Variants in MICAL2 observed in about 807,000 individuals in gnomAD.
The protein encoded by MICAL2 is [F-actin]-monooxygenase MICAL2.
Under a neutral mutation model 127.3 loss-of-function variants are expected in MICAL2, and 77 were observed. The ratio of observed to expected loss-of-function variants is 0.60; its 90% confidence interval spans 0.50 to 0.73. MICAL2 has a LOEUF of 0.73. Ranked by LOEUF, MICAL2 falls within the 30% of genes least tolerant of loss-of-function variation. MICAL2 has a pLI of 0.00. For missense variants in MICAL2, 1,351 were observed against 1,434.4 expected (o/e 0.94, Z 0.94); for synonymous variants, 570 against 551.1 (o/e 1.03, Z -0.48).
At chr11:12,198,152 A>G (rs1478714179) in intron 3 of MICAL2, among the ~76,000 whole-genome samples, 1 of 152,046 alleles carries the variant, frequency 6.6e-6, no homozygotes, top group African/African-American at 2.4e-5. Context: ...TTGAGCATGT[A>G]CCCTGGAATC....
In MICAL2 at chr11:12,348,153, C is replaced by CAAAAAAAAAAAAAAAAAAAAA. The variant is rs57602704; in HGVS notation, c.5516-1684_5516-1664dup. 2.5e-5 allele frequency among the ~76,000 whole-genome samples: 2 copies of CAAAAAAAAAAAAAAAAAAAAA among 79,144 alleles called. 1 individual carries two copies. The highest frequency in any genetic ancestry group is 4.6e-5 in the Non-Finnish European group (2 of 43,194). 51.9% of individuals were successfully genotyped at this position (79,144 alleles called of 152,430 possible). A position where few individuals can be genotyped will look rare whatever the true frequency, so the allele number is the denominator to read the frequency against. ...TGGGCAACAGAGAAAGACTCTGTCT[C>CAAAAAAAAAAAAAAAAAAAAA]AAAAAAAAAAAAAAAAAAAAAGGCA... On this transcript the variant is annotated intron_variant, in intron 32 of 34. Coordinates refer to the MICAL2 transcript ENST00000646065.
chr11:12,192,038 C>A (rs1173215015), intron 3 of MICAL2, among the ~76,000 whole-genome samples: 1 of 150,344 alleles, frequency 6.7e-6, no homozygotes, highest in African/African-American at 2.5e-5. Context: ...CTTCTTGGAA[C>A]CCCCACCCCC....
At chr11:12,180,349 A>ATATATATATATTTTTT (rs11403732) in intron 3 of MICAL2, among the ~76,000 whole-genome samples, 1 of 139,682 alleles carries the variant, frequency 7.2e-6, no homozygotes, top group African/African-American at 2.7e-5. Context: ...ATATGTATAT[A>ATATATATATATTTTTT]TTTTTTTTTT....
In MICAL2 at chr11:12,241,045, C is replaced by T. The variant is rs1859860922; in HGVS notation, c.2220C>T (p.Arg740=). The change falls in exon 18 of 28, where the codon CGC becomes CGT. Residue 740 remains arginine, a synonymous_variant. Coordinates refer to ENST00000683283, the MANE Select transcript of MICAL2 (RefSeq NM_001282663.2). ...TRNPSLMKQE[R]RVSGIGKPVL... Reference sequence around the variant, plus strand: ...ACTCGCCTTTCTTCTCCCAGGAACGCCGTGTCTCAGGGATAGGTAAGCCGG... The same window carrying T: ...ACTCGCCTTTCTTCTCCCAGGAACGTCGTGTCTCAGGGATAGGTAAGCCGG... 1 of 1,613,918 alleles carries T rather than the reference C, an allele frequency of 6.2e-7. No homozygotes were observed. The highest frequency in any genetic ancestry group is 8.5e-7 in the Non-Finnish European group (1 of 1,179,914).
At chr11:12,353,778 G>A (rs1939089786) in intron 33 of MICAL2, among the ~76,000 whole-genome samples, 1 of 152,148 alleles carries the variant, frequency 6.6e-6, no homozygotes, top group African/African-American at 2.4e-5. Flanking sequence ...AAGCATCACT[G>A]ACTCTTTCCA....
intron 3 of MICAL2, among the ~76,000 whole-genome samples, chr11:12,171,909 C>T (rs1283989693): frequency 1.3e-5 from 2 of 152,148 alleles, no homozygotes; most frequent in Admixed American, 6.5e-5. Flanking sequence ...CACACTATTT[C>T]AACATGTAGT....
At chr11:12,119,896 G>A (rs1341275829) in intron 1 of MICAL2, among the ~76,000 whole-genome samples, 1 of 152,206 alleles carries the variant, frequency 6.6e-6, no homozygotes, top group Non-Finnish European at 1.5e-5. Context: ...TGAGTGGACA[G>A]AGAGGTGTGT....
At chr11:12,170,524 A>G (rs1344083865) in intron 3 of MICAL2, among the ~76,000 whole-genome samples, 1 of 152,240 alleles carries the variant, frequency 6.6e-6, no homozygotes, top group Non-Finnish European at 1.5e-5. Flanking sequence ...CTATAAGTGT[A>G]TCAAATCAAA....
chr11:12,213,922 C>T (rs1044942138), intron 7 of MICAL2, among the ~76,000 whole-genome samples: 2 of 152,194 alleles, frequency 1.3e-5, no homozygotes, highest in Non-Finnish European at 1.5e-5. Context: ...AGGAACATAA[C>T]CTGTACTGGC....
chr11:12,188,137 C>T (rs77910008), intron 3 of MICAL2, among the ~76,000 whole-genome samples: 1 of 152,128 alleles, frequency 6.6e-6, no homozygotes, highest in Non-Finnish European at 1.5e-5. Flanking sequence ...CTGCGCTGTA[C>T]ATATAAAATA....
chr11:12,327,414 A>C (rs1565306231), intron 32 of MICAL2: 1 of 666,344 alleles, frequency 1.5e-6, no homozygotes, highest in African/African-American at 1.8e-5. Flanking sequence ...CACACTTTAA[A>C]CATCAAACTA....
chr11:12,240,432 T>G (rs1288886279), intron 17 of MICAL2, among the ~76,000 whole-genome samples: 1 of 152,254 alleles, frequency 6.6e-6, no homozygotes, highest in African/African-American at 2.4e-5. Context: ...TAATTAGCTT[T>G]TGAGGCAACC....
chr11:12,341,329 G>T (rs1331023636), intron 32 of MICAL2, among the ~76,000 whole-genome samples: 1 of 151,906 alleles, frequency 6.6e-6, no homozygotes, highest in African/African-American at 2.4e-5. Context: ...TTCTAAGGAG[G>T]TGCAAAATCA....
At chr11:12,224,144 C>G (rs1349266862) in intron 12 of MICAL2, among the ~76,000 whole-genome samples, 1 of 152,186 alleles carries the variant, frequency 6.6e-6, no homozygotes, top group African/African-American at 2.4e-5. Context: ...GCAAACATAG[C>G]AGGTTTTTCT....
chr11:12,158,942 G>C (rs1854482952), intron 2 of MICAL2, among the ~76,000 whole-genome samples: 1 of 152,238 alleles, frequency 6.6e-6, no homozygotes, highest in South Asian at 2.1e-4. Flanking sequence ...GGGTGTTAGA[G>C]TCATTTTTAA....
chr11:12,164,555 C>T (rs893668525), intron 3 of MICAL2, among the ~76,000 whole-genome samples: 4 of 152,310 alleles, frequency 2.6e-5, no homozygotes, highest in African/African-American at 9.6e-5. Flanking sequence ...TGATGCTTTG[C>T]TCTCTATTGG....
At chr11:12,162,777 A>G (rs1854985432) in intron 3 of MICAL2, among the ~76,000 whole-genome samples, 1 of 152,228 alleles carries the variant, frequency 6.6e-6, no homozygotes, top group South Asian at 2.1e-4. Flanking sequence ...CATGATTTCA[A>G]TGAACAGCTA....
At chr11:12,178,456 T>G (rs1857075732) in intron 3 of MICAL2, among the ~76,000 whole-genome samples, 1 of 147,518 alleles carries the variant, frequency 6.8e-6, no homozygotes, top group African/African-American at 2.5e-5. Flanking sequence ...TCAATACATG[T>G]AAGGTATGGG....
intron 34 of MICAL2, among the ~76,000 whole-genome samples, chr11:12,356,787 G>A (rs185253629): frequency 1.1e-4 from 16 of 152,286 alleles, no homozygotes; most frequent in Admixed American, 7.2e-4. Context: ...ACCCTTCTAG[G>A]CTCCGCCCAT....
Sources: allele counts gnomAD v4.1 joint callset (sites outside exome capture counted in the v4.1 genomes callset), GRCh38; gene constraint gnomAD v4.1.1; transcripts MANE v1.5; gene names NCBI Gene and HGNC (gene_info 2026-07-23, HGNC 2026-07-21).